RFX4: variants seen among roughly 807,000 people sequenced by gnomAD.
The protein encoded by RFX4 is regulatory factor X4.
RFX4 carries 10 observed loss-of-function variants against 95.0 expected under a neutral mutation model. That is an observed-to-expected ratio of 0.11 (90% CI 0.06 to 0.18). The LOEUF (loss-of-function observed/expected upper bound fraction) is 0.18, where lower values mean the gene tolerates loss of function less well. RFX4 is among the 10% of genes least tolerant of loss of function. RFX4 has a pLI of 1.00. For synonymous variants in RFX4, 321 were observed against 340.7 expected (o/e 0.94, Z 0.64); for missense variants, 640 against 922.0 (o/e 0.69, Z 3.96).
intron 2 of RFX4, among the ~76,000 whole-genome samples, chr12:106,613,654 A>T (rs758790493): frequency 2.0e-5 from 3 of 152,102 alleles, no homozygotes; most frequent in Non-Finnish European, 2.9e-5. Flanking sequence ...GTGAGCCACC[A>T]CGCCTGGCCT....
chr12:106,608,137 C>A (rs545047144), intron 1 of RFX4, among the ~76,000 whole-genome samples: 1 of 152,058 alleles, frequency 6.6e-6, no homozygotes, highest in Non-Finnish European at 1.5e-5. Flanking sequence ...TGCAGTGAGC[C>A]GAGATCACGC....
chr12:106,592,909 G>C (rs900394030), intron 1 of RFX4, among the ~76,000 whole-genome samples: 2 of 152,094 alleles, frequency 1.3e-5, no homozygotes, highest in Admixed American at 6.6e-5. Context: ...GTTTACGAGA[G>C]GGAAAGAGAT....
intron 4 of RFX4, among the ~76,000 whole-genome samples, chr12:106,673,141 C>T (rs773396919): frequency 1.6e-4 from 24 of 152,182 alleles, no homozygotes; most frequent in Non-Finnish European, 3.4e-4. Flanking sequence ...GAATGAGGAG[C>T]GTCTGCAAAT....
intron 1 of RFX4, among the ~76,000 whole-genome samples, chr12:106,590,171 C>T (rs182876183): frequency 3.4e-4 from 52 of 152,334 alleles, no homozygotes; most frequent in African/African-American, 8.7e-4. Context: ...GGCTGTGCCA[C>T]GTAAAGCTGT....
chr12:106,627,314 G>C (rs1477856534), intron 2 of RFX4, among the ~76,000 whole-genome samples: 1 of 152,148 alleles, frequency 6.6e-6, no homozygotes, highest in African/African-American at 2.4e-5. Flanking sequence ...GAGGCAGGCG[G>C]ATCACTTGAG....
At chr12:106,673,606 T>TTAAGAACA (rs1162926897) in intron 4 of RFX4, among the ~76,000 whole-genome samples, 1 of 152,226 alleles carries the variant, frequency 6.6e-6, no homozygotes, top group African/African-American at 2.4e-5. Context: ...AAAGTGTGTT[T>TTAAGAACA]TAAGAACATT....
At chr12:106,607,987 G>A (rs2039873114) in intron 1 of RFX4, among the ~76,000 whole-genome samples, 1 of 152,190 alleles carries the variant, frequency 6.6e-6, no homozygotes, top group Non-Finnish European at 1.5e-5. Flanking sequence ...GAGGTCAGGA[G>A]TTCAAGACCA....
At chr12:106,622,179 T>C (rs1176547530) in intron 2 of RFX4, among the ~76,000 whole-genome samples, 1 of 152,072 alleles carries the variant, frequency 6.6e-6, no homozygotes, top group Admixed American at 6.5e-5. Context: ...ATAAAGAAGT[T>C]TCAGTTCACA....
At chr12:106,645,253 C>T (rs1389096767) in intron 3 of RFX4, among the ~76,000 whole-genome samples, 4 of 152,134 alleles carry the variant, frequency 2.6e-5, no homozygotes, top group Non-Finnish European at 5.9e-5. Context: ...GCTGGAATCC[C>T]GGCCGCACAA....
At chr12:106,748,838 C>A (rs2136089432) in intron 16 of RFX4, among the ~76,000 whole-genome samples, 1 of 152,224 alleles carries the variant, frequency 6.6e-6, no homozygotes, top group East Asian at 1.9e-4. Flanking sequence ...GTAATCCCAG[C>A]ACTTTGGGAG....
At chr12:106,726,512 A>G (rs576898005) in intron 13 of RFX4, among the ~76,000 whole-genome samples, 5 of 152,344 alleles carry the variant, frequency 3.3e-5, no homozygotes, top group African/African-American at 1.2e-4. Flanking sequence ...AATTTCTCCA[A>G]TGAAGTCAAA....
intron 4 of RFX4, among the ~76,000 whole-genome samples, chr12:106,655,666 T>C (rs2040943582): frequency 6.6e-6 from 1 of 152,164 alleles, no homozygotes; most frequent in African/African-American, 2.4e-5. Flanking sequence ...ACATACAGGT[T>C]GGGGACAGGT....
chr12:106,745,955 G>A (rs570162868), intron 15 of RFX4, among the ~76,000 whole-genome samples: 21 of 152,204 alleles, frequency 1.4e-4, no homozygotes, highest in African/African-American at 5.1e-4. Context: ...GCCCAGGAGC[G>A]GTGGCTCATG....
At chr12:106,700,408 T>C (rs528568006) in intron 8 of RFX4, among the ~76,000 whole-genome samples, 116 of 143,092 alleles carry the variant, frequency 8.1e-4, no homozygotes, top group Middle Eastern at 6.9e-3. Flanking sequence ...TTTTTCTTTT[T>C]TTTTTTTTTT....
intron 17 of RFX4, among the ~76,000 whole-genome samples, chr12:106,751,117 T>G (rs2042996187): frequency 7.4e-6 from 1 of 135,824 alleles, no homozygotes; most frequent in South Asian, 2.7e-4. Context: ...CCCCAGAGTG[T>G]GATGTTCCCC....
At chr12:106,587,307 C>T (rs1292830372) in intron 1 of RFX4, among the ~76,000 whole-genome samples, 1 of 152,186 alleles carries the variant, frequency 6.6e-6, no homozygotes, top group Admixed American at 6.5e-5. Flanking sequence ...GTCCCCAGCG[C>T]GTCACCATGG....
intron 1 of RFX4, among the ~76,000 whole-genome samples, chr12:106,587,636 C>T (rs1049907479): frequency 1.3e-5 from 2 of 152,352 alleles, no homozygotes; most frequent in East Asian, 3.9e-4. Flanking sequence ...CAGCCTCCCC[C>T]CTCACCCGTC....
chr12:106,669,652 A>G (rs2041242498), intron 4 of RFX4, among the ~76,000 whole-genome samples: 3 of 151,706 alleles, frequency 2.0e-5, no homozygotes, highest in Non-Finnish European at 4.4e-5. Context: ...AGATGAGGGC[A>G]CTCTTGAGGC....
intron 1 of RFX4, among the ~76,000 whole-genome samples, chr12:106,584,128 G>A (rs1356781044): frequency 6.6e-6 from 1 of 152,122 alleles, no homozygotes; most frequent in African/African-American, 2.4e-5. Context: ...CAGTTTTGGG[G>A]GTGCGGCGGT....
Sources: gnomAD v4.1 joint callset for allele counts (sites outside exome capture counted in the v4.1 genomes callset) on GRCh38, gnomAD v4.1.1 for gene constraint, MANE v1.5 for transcripts, NCBI Gene and HGNC (gene_info 2026-07-23, HGNC 2026-07-21) for gene names.